The following SLC12A8 variants were observed in gnomAD, a reference collection of about 807,000 sequenced individuals.
SLC12A8 encodes solute carrier family 12 member 8, also known as cation-chloride cotransporter 9.
In SLC12A8, 69 loss-of-function variants were observed where a neutral mutation model predicts 75.6. The ratio of observed to expected loss-of-function variants is 0.91; its 90% CI spans 0.75 to 1.11. The LOEUF is 1.11. SLC12A8 is among the 50% of genes most tolerant of loss of function. The pLI is 0.00. For missense variants in SLC12A8, 877 were observed against 896.7 expected (o/e 0.98, Z 0.28); for synonymous variants, 365 against 372.8 (o/e 0.98, Z 0.24).
intron 6 of SLC12A8, among the ~76,000 whole-genome samples, chr3:125,121,176 A>C (rs1003290554): frequency 2.6e-5 from 4 of 152,208 alleles, no homozygotes; most frequent in African/African-American, 9.7e-5. Context: ...AAGGGCTTGA[A>C]ATAAACTCCA....
intron 5 of SLC12A8, among the ~76,000 whole-genome samples, chr3:125,173,056 G>A (rs1370752929): frequency 2.0e-5 from 3 of 152,126 alleles, no homozygotes; most frequent in East Asian, 3.8e-4. Context: ...GTGCATGCCT[G>A]TAATCCCAGC....
intron 8 of SLC12A8, 123 bp from the exon 9 acceptor site, chr3:125,110,458 G>T: frequency 1.1e-6 from 1 of 902,226 alleles, no homozygotes. Context: ...TCTGATCCCT[G>T]GGATACAGTT....
chr3:125,138,433 G>GA (rs1307416407), intron 5 of SLC12A8, among the ~76,000 whole-genome samples: 1 of 151,908 alleles, frequency 6.6e-6, no homozygotes, highest in Non-Finnish European at 1.5e-5. Context: ...AATAAAAAAT[G>GA]AAAAAATCAG....
intron 5 of SLC12A8, among the ~76,000 whole-genome samples, chr3:125,155,362 C>T (rs1253410057): frequency 1.3e-5 from 2 of 152,030 alleles, no homozygotes; most frequent in South Asian, 2.1e-4. Context: ...CTCAGTGTTT[C>T]AAAAAGTATT....
chr3:125,101,686 T>C (rs986611348), intron 10 of SLC12A8, among the ~76,000 whole-genome samples: 4 of 152,256 alleles, frequency 2.6e-5, no homozygotes, highest in Admixed American at 2.0e-4. Context: ...GTATATAAGG[T>C]ATAAAATACA....
chr3:125,174,980 C>T (rs1162170002), intron 5 of SLC12A8, among the ~76,000 whole-genome samples: 3 of 152,094 alleles, frequency 2.0e-5, no homozygotes, highest in African/African-American at 7.2e-5. Flanking sequence ...ATTGGTTCAT[C>T]ACTTCCAGTA....
intron 4 of SLC12A8, among the ~76,000 whole-genome samples, chr3:125,180,043 A>G (rs570448198): frequency 2.6e-5 from 4 of 151,668 alleles, no homozygotes; most frequent in African/African-American, 9.7e-5. Flanking sequence ...TTTTTTTCCT[A>G]GCAGTAGAAC....
intron 4 of SLC12A8, 89 bp from the exon 5 acceptor site, chr3:125,178,063 C>G (rs1934579087): frequency 9.4e-7 from 1 of 1,068,682 alleles, no homozygotes; most frequent in Non-Finnish European, 1.4e-6. Context: ...ACCCTGCACC[C>G]CCATCGGACA....
At chr3:125,147,000 C>T (rs372258942) in intron 5 of SLC12A8, among the ~76,000 whole-genome samples, 2 of 152,098 alleles carry the variant, frequency 1.3e-5, no homozygotes, top group South Asian at 2.1e-4. Flanking sequence ...CCGTTGTGCT[C>T]GGGAGTTTGC....
intron 2 of SLC12A8, among the ~76,000 whole-genome samples, chr3:125,200,716 T>G (rs1355666238): frequency 6.6e-6 from 1 of 152,232 alleles, no homozygotes; most frequent in African/African-American, 2.4e-5. Context: ...TCAAAATTCT[T>G]TGTGTATCTC....
At chr3:125,106,173 G>A (rs1939017405) in intron 10 of SLC12A8, among the ~76,000 whole-genome samples, 1 of 152,174 alleles carries the variant, frequency 6.6e-6, no homozygotes, top group Non-Finnish European at 1.5e-5. Context: ...GTATAAAAGA[G>A]TAGGAACTAC....
intron 10 of SLC12A8, among the ~76,000 whole-genome samples, chr3:125,095,978 C>T (rs573828140): frequency 1.7e-4 from 26 of 152,324 alleles, no homozygotes; most frequent in African/African-American, 6.3e-4. Flanking sequence ...GAACTTTCAG[C>T]GCCTTCCATC....
intron 5 of SLC12A8, among the ~76,000 whole-genome samples, chr3:125,137,607 A>G (rs1650160330): frequency 6.6e-6 from 1 of 152,150 alleles, no homozygotes; most frequent in Admixed American, 6.5e-5. Flanking sequence ...CCCGCCTCGC[A>G]GGACAGAAAA....
At chr3:125,190,286 T>C in intron 3 of SLC12A8, 89 bp downstream of exon 3, 2 of 1,398,838 alleles carry the variant, frequency 1.4e-6, no homozygotes, top group Non-Finnish European at 2.0e-6. Context: ...GCTTCAGGAA[T>C]CTGTGGCCTG....
At chr3:125,158,509 C>A (rs1311640608) in intron 5 of SLC12A8, among the ~76,000 whole-genome samples, 4 of 152,226 alleles carry the variant, frequency 2.6e-5, no homozygotes, top group Non-Finnish European at 5.9e-5. Flanking sequence ...GTGTGAGCCA[C>A]AGTGCCTGGG....
At chr3:125,198,313 T>A (rs1348009803) in intron 2 of SLC12A8, among the ~76,000 whole-genome samples, 5 of 145,822 alleles carry the variant, frequency 3.4e-5, no homozygotes, top group African/African-American at 1.3e-4. Flanking sequence ...GCCAAGGGAC[T>A]ATTCCAGATT....
chr3:125,192,460 TTGCATAAC>T (rs1483821587), intron 2 of SLC12A8: 2 of 152,334 alleles, frequency 1.3e-5, no homozygotes, highest in Non-Finnish European at 2.9e-5. Context: ...ACTCTGGACT[TTGCATAAC>T]TGCGAATACA....
intron 10 of SLC12A8, among the ~76,000 whole-genome samples, chr3:125,106,884 T>C (rs1001586734): frequency 2.0e-5 from 3 of 152,190 alleles, no homozygotes; most frequent in African/African-American, 7.2e-5. Context: ...TGCTAATATA[T>C]GTTATATTAC....
rs768566456 is a variant in SLC12A8, at chr3:125,107,824, C to T, written c.1362G>A (p.Thr454=). ...EGPAQRVLEG[T]LLEFTKDMDQ... is the part of the protein sequence containing the mutation. The stretch of plus-strand genomic sequence containing the variant: ...CCATGTCCTTGGTGAATTCCAGTAG[C>T]GTGCCCTCCAAGACTCTTTGGGCAG... Residue 454 remains threonine, a synonymous_variant, in exon 10 of 14, where the codon ACG becomes ACA. Transcript: ENST00000469902. 7 of 1,614,096 alleles carry T rather than the reference C, an allele frequency of 4.3e-6. No individual in the cohort carries two copies. The highest frequency in any genetic ancestry group is 1.7e-5 in the Admixed American group (1 of 60,020).
Sources: allele counts gnomAD v4.1 joint callset (sites outside exome capture counted in the v4.1 genomes callset), GRCh38; gene constraint gnomAD v4.1.1; transcripts MANE v1.5; gene names NCBI Gene and HGNC (gene_info 2026-07-23, HGNC 2026-07-21).